Variants in SYNE1 observed in about 807,000 individuals in gnomAD.
SYNE1 encodes the protein spectrin repeat containing nuclear envelope protein 1.
In SYNE1, 616 loss-of-function variants were observed where a neutral mutation model predicts 1,111.0. The ratio of observed to expected loss-of-function variants is 0.55; its 90% confidence interval spans 0.52 to 0.59. SYNE1 has a LOEUF of 0.59. Among genes scored for constraint, SYNE1 ranks in the 20% least tolerant of loss-of-function variants. The probability of loss-of-function intolerance (pLI) is 0.00; values close to 1 mark genes in which losing one functional copy is unlikely to be tolerated. For missense variants in SYNE1, 10,006 were observed against 10,417.0 expected, an observed-to-expected ratio of 0.96 and a Z score of 1.72; for synonymous variants, 3,855 against 3,825.8, an observed-to-expected ratio of 1.01 and a Z score of -0.28.
chr6:152,343,680 T>C (rs1488758502), intron 74 of SYNE1, among the ~76,000 whole-genome samples: 4 of 151,858 alleles, frequency 2.6e-5, no homozygotes, highest in Non-Finnish European at 2.9e-5. Context: ...GGTACCCTGC[T>C]ACCTCAATCC....
intron 100 of SYNE1, among the ~76,000 whole-genome samples, chr6:152,264,884 A>T (rs1046167338): frequency 6.6e-6 from 1 of 152,086 alleles, no homozygotes; most frequent in Non-Finnish European, 1.5e-5. Context: ...TCTGAGAGAC[A>T]TGTAGGAAGT....
intron 38 of SYNE1, among the ~76,000 whole-genome samples, chr6:152,425,874 A>C (rs1336029129): frequency 6.6e-6 from 1 of 152,238 alleles, no homozygotes; most frequent in Non-Finnish European, 1.5e-5. Context: ...CAAATCTAGA[A>C]GCTGTAGAAT....
At position 152,390,309 on chromosome 6, in the gene SYNE1, G is replaced by A. The variant is rs752872189; in HGVS notation, c.8148C>T (p.Asp2716=). The part of the protein sequence containing the change: ...QLETLKEVWA[D]IMSSSVHAQS... The stretch of plus-strand genomic sequence containing the variant: ...GAGCGTGGACGGAGGAGCTCATGAT[G>A]TCAGCCCACACTTCTTTAAGGGTCT... The change falls in exon 53 of 146, where the codon GAC becomes GAT. Residue 2716 remains aspartate (D), a synonymous_variant. Coordinates refer to ENST00000367255, the MANE Select transcript of SYNE1 (RefSeq NM_182961.4). 2.5e-6 allele frequency: 4 copies of A among 1,614,070 alleles called. No homozygotes were observed. The highest frequency in any genetic ancestry group is 3.4e-6 in the Non-Finnish European group (4 of 1,179,998).
intron 62 of SYNE1, among the ~76,000 whole-genome samples, 167 bp from the exon 63 acceptor site, chr6:152,365,186 C>T (rs180726207): frequency 7.9e-5 from 12 of 152,298 alleles, no homozygotes; most frequent in Admixed American, 4.6e-4. Context: ...TGGTGAATGC[C>T]AGTCACCAGC....
At chr6:152,137,687 G>A (rs1013350285) in intron 140 of SYNE1, among the ~76,000 whole-genome samples, 16 of 152,090 alleles carry the variant, frequency 1.1e-4, no homozygotes, top group African/African-American at 3.9e-4. Context: ...ATTGACCTAG[G>A]CTGCATTTTG....
At chr6:152,613,073 T>A (rs954087581) in intron 3 of SYNE1, among the ~76,000 whole-genome samples, 6 of 152,218 alleles carry the variant, frequency 3.9e-5, no homozygotes, top group Non-Finnish European at 7.3e-5. Flanking sequence ...AAGCATTCCC[T>A]TTGAAAACCG....
chr6:152,609,616 G>A (rs560256512), intron 3 of SYNE1, among the ~76,000 whole-genome samples: 10 of 152,258 alleles, frequency 6.6e-5, no homozygotes, highest in Admixed American at 2.6e-4. Flanking sequence ...TGAAGACAGC[G>A]GTGGTTCTCC....
Position 152,401,167 on chromosome 6 carries a change from C to T in SYNE1, c.7000G>A (p.Glu2334Lys). 6.2e-7 allele frequency: 1 copy of T among 1,614,128 alleles called. No individual in the cohort carries two copies. Residue 2334 changes from glutamate (E) to lysine (K), a missense_variant, in exon 47 of 146, where the codon GAG (glutamate) becomes AAG (lysine). Around this residue, in one of 7 missense-constraint regions of SYNE1, gnomAD observed 4,955 missense variants for 5,017.2 expected, o/e 0.99. Coordinates refer to ENST00000367255, the MANE Select transcript of SYNE1 (RefSeq NM_182961.4). ...ACTTTTTTCAATGCTTCACAAGTCT[C>T]ATTTTGGGCACAGTTCATCAACGAT... The part of the protein sequence containing the change: ...EESLMNCAQN[E>K]TCEALKKVKD...
At chr6:152,444,387 G>A in intron 30 of SYNE1, 24 bp downstream of exon 30, 2 of 1,611,856 alleles carry the variant, frequency 1.2e-6, no homozygotes, top group Non-Finnish European at 1.7e-6. Flanking sequence ...ACATAATCTT[G>A]TTGGAAGAAA....
At position 152,135,087 on chromosome 6, in the gene SYNE1, G is replaced by C; in HGVS notation, c.25788+17C>G. The C allele has an allele frequency of 6.2e-7, 1 of 1,614,100 alleles. No homozygotes were observed. Among genetic ancestry groups the C allele is most frequent in the East Asian group, 2.2e-5 (1 of 44,846 alleles). On this transcript the variant is annotated intron_variant, in intron 142 of 145. Coordinates refer to ENST00000367255, the MANE Select transcript of SYNE1 (RefSeq NM_182961.4). ...TGCTAAAAATAACTGGAGGCTGCCA[G>C]AGTTCACACATCTTACCATAAGCTG...
At chr6:152,268,605 CTT>C (rs2092940433) in intron 99 of SYNE1, among the ~76,000 whole-genome samples, 2 of 152,080 alleles carry the variant, frequency 1.3e-5, no homozygotes, top group Non-Finnish European at 2.9e-5. Flanking sequence ...AATAAATCCT[CTT>C]GTTATTTGAG....
Position 152,189,478 on chromosome 6 carries a change from C to A in SYNE1, c.23146-71G>T. The A allele has an allele frequency of 4.0e-6, 6 of 1,486,172 alleles. No individual in the cohort carries two copies. The East Asian group carries it at 9.1e-5, about 22-fold the overall frequency. The allele number at this position is 1,486,172 out of a possible 1,614,324, so 92.1% of individuals were successfully genotyped here. ...ATGATTTCTGAAGTGTTTTTGAATC[C>A]CCTCTTGATAGAATTTCCTTTGTAT... On this transcript the variant is annotated intron_variant, in intron 127 of 145. Coordinates refer to ENST00000367255, the MANE Select transcript of SYNE1 (RefSeq NM_182961.4).
intron 85 of SYNE1, 60 bp from the exon 86 acceptor site, chr6:152,318,323 C>T: frequency 6.3e-7 from 1 of 1,589,656 alleles, no homozygotes; most frequent in Non-Finnish European, 8.6e-7. Context: ...CTCCAGGTTT[C>T]CCGAGATCAG....
At chr6:152,237,987 G>A (rs1028810359) in intron 108 of SYNE1, among the ~76,000 whole-genome samples, 3 of 152,110 alleles carry the variant, frequency 2.0e-5, no homozygotes, top group Non-Finnish European at 2.9e-5. Flanking sequence ...AATATCTATT[G>A]CCTGGTATTT....
At chr6:152,427,959 T>C in intron 37 of SYNE1, 143 bp from the exon 38 acceptor site, 4 of 1,275,818 alleles carry the variant, frequency 3.1e-6, no homozygotes, top group East Asian at 4.9e-5. Context: ...AGCACAAAAA[T>C]CCCTCCTTTT....
chr6:152,176,705 T>C (rs1486724978), intron 129 of SYNE1, 145 bp from the exon 130 acceptor site: 1 of 818,046 alleles, frequency 1.2e-6, no homozygotes, highest in Non-Finnish European at 2.0e-6. Flanking sequence ...TCAGCCCATG[T>C]GCACAAGTAT....
intron 70 of SYNE1, among the ~76,000 whole-genome samples, chr6:152,351,288 C>T (rs931812409): frequency 3.3e-5 from 5 of 152,168 alleles, no homozygotes; most frequent in Admixed American, 6.5e-5. Flanking sequence ...GACAAGTTGT[C>T]GGGCTTGGCA....
chr6:152,223,247 T>C (rs1016109592), intron 117 of SYNE1, among the ~76,000 whole-genome samples: 1 of 152,218 alleles, frequency 6.6e-6, no homozygotes, highest in Non-Finnish European at 1.5e-5. Flanking sequence ...TGATCCTTAG[T>C]AACGACAATT....
chr6:152,442,132 C>T lies in SYNE1; in HGVS notation c.3951G>A (p.Leu1317=), dbSNP rs1238123717. 1 of 1,614,022 alleles carries T rather than the reference C, an allele frequency of 6.2e-7. No homozygotes were observed. Among genetic ancestry groups the T allele is most frequent in the African/African-American group, 1.3e-5 (1 of 75,064 alleles). ...GCTCCAGGCCATCCAGTGTGCTCTC[C>T]AGCTTCCGCAGCTCCTCGTGGCCTC... ...PDRGHEELRK[L]ESTLDGLERS... is the part of the protein sequence containing the mutation. Residue 1317 remains leucine, a synonymous_variant, in exon 31 of 146, where the codon CTG becomes CTA. Transcript: ENST00000367255.
Sources: gnomAD v4.1 joint callset for allele counts (sites outside exome capture counted in the v4.1 genomes callset) on GRCh38, gnomAD v4.1.1 for gene constraint, gnomAD v4.1.1 regional missense constraint, MANE v1.5 for transcripts, NCBI Gene and HGNC (gene_info 2026-07-23, HGNC 2026-07-21) for gene names.